The following IVD variants were observed in gnomAD, a reference collection of about 807,000 sequenced individuals.
IVD encodes the protein isovaleryl-CoA dehydrogenase, mitochondrial.
IVD carries 31 observed loss-of-function variants against 51.3 expected under a neutral mutation model. The ratio of observed to expected loss-of-function variants is 0.60; its 90% CI spans 0.45 to 0.81. IVD has a LOEUF of 0.81. Ranked by LOEUF, IVD falls within the 40% of genes least tolerant of loss-of-function variation. The pLI is 0.00. For missense variants in IVD, 475 were observed against 552.0 expected, an observed-to-expected ratio of 0.86 and a Z score of 1.40; for synonymous variants, 205 against 219.4, an observed-to-expected ratio of 0.93 and a Z score of 0.58.
intron 1 of IVD, among the ~76,000 whole-genome samples, chr15:40,406,864 C>CTTT (rs920097308): frequency 7.2e-6 from 1 of 138,770 alleles, no homozygotes; most frequent in African/African-American, 2.6e-5. Context: ...TTTCTTTTTT[C>CTTT]TTTTTTTTTT....
Position 40,418,624 on chromosome 15 carries a change from T to G in IVD, c.*361T>G. On this transcript the variant is annotated 3_prime_UTR_variant, in exon 12 of 12. Coordinates refer to ENST00000487418, the MANE Select transcript of IVD (RefSeq NM_002225.5). ...GTGCCCACCTCCCAGGGTAGGCACCTGGGGGCATGCAGGTACCCACCTCTT... is the reference window on the plus strand; with the variant it reads ...GTGCCCACCTCCCAGGGTAGGCACCGGGGGGCATGCAGGTACCCACCTCTT... 8.9e-7 allele frequency: 1 copy of G among 1,120,596 alleles called. No individual in the cohort carries two copies. The highest frequency in any genetic ancestry group is 1.1e-6 in the Non-Finnish European group (1 of 906,582). 69.4% of individuals were successfully genotyped at this position (1,120,596 alleles called of 1,614,324 possible). A position where few individuals can be genotyped will look rare whatever the true frequency, so the allele number is the denominator to read the frequency against.
rs11070270 is a variant in IVD at position 40,416,223 on chromosome 15, A to G, written c.1065+41A>G. 1,062,772 of 1,611,534 alleles carry G rather than the reference A, an allele frequency of 0.66. 354,409 individuals carry two copies. The highest frequency in any genetic ancestry group is 0.83 in the East Asian group (37,282 of 44,828). On this transcript the variant is annotated intron_variant, in intron 10 of 11. Coordinates refer to ENST00000487418, the MANE Select transcript of IVD (RefSeq NM_002225.5). Reference sequence around the variant, plus strand: ...AGTCGGGGAGAGGCGGGGGCAGTGGACCAGCTGCTGAGACTTGCTGTCTGC... The same window carrying G: ...AGTCGGGGAGAGGCGGGGGCAGTGGGCCAGCTGCTGAGACTTGCTGTCTGC...
chr15:40,431,040 T>C lies in IVD; in HGVS notation c.720-2814T>C, dbSNP rs529424616. 1.6e-4 allele frequency among the ~76,000 whole-genome samples: 25 copies of C among 152,266 alleles called. No individual in the cohort carries two copies. In the East Asian group the frequency reaches 2.1e-3, roughly 13 times the overall value. Reference sequence around the variant, plus strand: ...GGAAAACATAAGAGTAGAGAATTGTTTGGGGAAGCTTATTTAGGAAGAAGT... The same window carrying C: ...GGAAAACATAAGAGTAGAGAATTGTCTGGGGAAGCTTATTTAGGAAGAAGT... On this transcript the variant is annotated intron_variant, in intron 7 of 8. Transcript: ENST00000473112.
At chr15:40,417,809 GTTA>G (rs1891872722) in intron 11 of IVD, among the ~76,000 whole-genome samples, 3 of 152,208 alleles carry the variant, frequency 2.0e-5, no homozygotes, top group South Asian at 4.1e-4. Flanking sequence ...TTTAGTATTT[GTTA>G]TTATTGTTGA....
chr15:40,416,273 C>G lies in IVD; in HGVS notation c.1066-17C>G. 6.2e-7 allele frequency: 1 copy of G among 1,614,216 alleles called. No individual in the cohort carries two copies. Among genetic ancestry groups the G allele is most frequent in the East Asian group, 2.2e-5 (1 of 44,886 alleles). On this transcript the variant is annotated splice_polypyrimidine_tract_variant and intron_variant, in intron 10 of 11. Coordinates refer to ENST00000487418, the MANE Select transcript of IVD (RefSeq NM_002225.5). ...CGTGCCTCGCAGGGCCCTGCTGACC[C>G]CAGCTTCCTCCCGTAGGACTGTGCA...
Position 40,407,776 on chromosome 15 carries a change from C to T in IVD, c.234+51C>T, listed in dbSNP as rs377212206. On this transcript the variant is annotated intron_variant, in intron 2 of 11. Transcript: ENST00000487418. ...GGGGCAGTCAGGGAGTGGGGCTGAG[C>T]TGCACTGCTGCCTGGAAGAGCTCAC... is the stretch of plus-strand genomic sequence containing the variant. 5.3e-6 allele frequency: 8 copies of T among 1,505,152 alleles called. No individual in the cohort carries two copies. The African/African-American group carries it at 8.4e-5, about 16-fold the overall frequency. The allele number at this position is 1,505,152 out of a possible 1,614,324, so 93.2% of individuals were successfully genotyped here.
chr15:40,406,318 G>C (rs1433309392), intron 1 of IVD: 6 of 1,371,428 alleles, frequency 4.4e-6, no homozygotes, highest in Non-Finnish European at 4.8e-6. Context: ...CCCTCAATCT[G>C]TATGTAGTTC....
chr15:40,426,876 T>C (rs566695731), downstream of IVD, among the ~76,000 whole-genome samples: 3 of 152,270 alleles, frequency 2.0e-5, no homozygotes, highest in Admixed American at 2.0e-4. Flanking sequence ...TGAACAAACC[T>C]TTATAGGCAA....
chr15:40,432,236 G>A (rs550833052), intron 7 of IVD, among the ~76,000 whole-genome samples: 5 of 152,292 alleles, frequency 3.3e-5, no homozygotes, highest in African/African-American at 9.6e-5. Flanking sequence ...GAGCCACTGC[G>A]CCTGGCCTAT....
rs747273828 is a variant in IVD at position 40,407,696 on chromosome 15, G to A, written c.205G>A (p.Asp69Asn). 13 of 1,614,040 alleles carry A rather than the reference G, an allele frequency of 8.1e-6. No individual in the cohort carries two copies. Among genetic ancestry groups the A allele is most frequent in the African/African-American group, 5.3e-5 (4 of 74,936 alleles). ...EHLAPKAQEI[D>N]RSNEFKNLRE... Reference sequence around the variant, plus strand: ...CCTGGCCCCCAAGGCCCAGGAGATCGATCGCAGCAATGAGTTCAAGAACCT... The same window carrying A: ...CCTGGCCCCCAAGGCCCAGGAGATCAATCGCAGCAATGAGTTCAAGAACCT... The change falls in exon 2 of 12, where the codon GAT becomes AAT. Residue 69 changes from aspartate (D) to asparagine (N), a missense_variant. Asp to Asn is a conservative substitution (Grantham distance 23). Transcript: ENST00000487418.
intron 7 of IVD, among the ~76,000 whole-genome samples, chr15:40,413,527 G>C (rs536376323): frequency 6.6e-6 from 1 of 152,232 alleles, no homozygotes; most frequent in African/African-American, 2.4e-5. Flanking sequence ...ACTCAGTAGA[G>C]AGAAGGCAGT....
In IVD at chr15:40,417,952, C is replaced by A. The variant is rs59636068; in HGVS notation, c.1139-178C>A. Among the ~76,000 whole-genome samples, 2,852 of 152,252 alleles carry A rather than the reference C, an allele frequency of 0.019. 90 individuals are homozygous for A. Among genetic ancestry groups the A allele is most frequent in the African/African-American group, 0.065 (2,713 of 41,520 alleles). ...CATCCACTGGGGTCTTGGAATGTAT[C>A]CTCCAAGGATAAGGAAGGACTAGTG... On this transcript the variant is annotated intron_variant, in intron 11 of 11. Transcript: ENST00000487418.
At chr15:40,422,186 T>G (rs1892352360), downstream of IVD, among the ~76,000 whole-genome samples, 2 of 152,116 alleles carry the variant, frequency 1.3e-5, no homozygotes, top group Admixed American at 1.3e-4. Flanking sequence ...GCCCCCAGTT[T>G]GGGATTTCAG....
At chr15:40,410,083 A>G (rs976555329) in intron 3 of IVD, among the ~76,000 whole-genome samples, 11 of 151,788 alleles carry the variant, frequency 7.2e-5, no homozygotes, top group South Asian at 2.1e-4. Flanking sequence ...TGATCTGCCC[A>G]CCTCAGCCTC....
chr15:40,416,565 T>C (rs529042883), intron 11 of IVD, among the ~76,000 whole-genome samples: 100 of 151,788 alleles, frequency 6.6e-4, no homozygotes, highest in African/African-American at 2.4e-3. Flanking sequence ...GGCATGATGG[T>C]GCATGCCTGT....
chr15:40,408,872 C>A (rs968506334), intron 3 of IVD, among the ~76,000 whole-genome samples: 8 of 152,068 alleles, frequency 5.3e-5, no homozygotes, highest in Non-Finnish European at 8.8e-5. Flanking sequence ...ATTGCTTGAA[C>A]CTGGGAGGCG....
intron 3 of IVD, 41 bp from the exon 4 acceptor site, chr15:40,410,587 T>TG: frequency 6.2e-7 from 1 of 1,611,498 alleles, no homozygotes; most frequent in Non-Finnish European, 8.5e-7. Flanking sequence ...CGATTTAATC[T>TG]GGGCTGCGTT....
Position 40,418,663 on chromosome 15 carries a change from GCTCTGGCAAGGAGAT to G in IVD, c.*405_*419del. On this transcript the variant is annotated 3_prime_UTR_variant, in exon 12 of 12. Transcript: ENST00000487418. ...TACCCACCTCTTTCTCTTGGGTGAGGCTCTGGCAAGGAGATCTCTCTGCTCAAGCACAGCAGAATC... is the reference window on the plus strand; with the variant it reads ...TACCCACCTCTTTCTCTTGGGTGAGGCTCTCTGCTCAAGCACAGCAGAATC... 1 of 1,144,854 alleles carries G rather than the reference GCTCTGGCAAGGAGAT, an allele frequency of 8.7e-7. No individual in the cohort carries two copies. The highest frequency in any genetic ancestry group is 1.1e-6 in the Non-Finnish European group (1 of 922,230). The allele number at this position is 1,144,854 out of a possible 1,614,324, so 70.9% of individuals were successfully genotyped here. A position where few individuals can be genotyped will look rare whatever the true frequency, so the allele number is the denominator to read the frequency against.
At chr15:40,408,257 A>C (rs531572044) in intron 3 of IVD, among the ~76,000 whole-genome samples, 1 of 152,248 alleles carries the variant, frequency 6.6e-6, no homozygotes, top group African/African-American at 2.4e-5. Context: ...TGAACTCTGC[A>C]TACTTAATAG....
Sources: gnomAD v4.1 joint callset for allele counts (sites outside exome capture counted in the v4.1 genomes callset) on GRCh38, gnomAD v4.1.1 for gene constraint, MANE v1.5 for transcripts, NCBI Gene and HGNC (gene_info 2026-07-23, HGNC 2026-07-21) for gene names.